The following PRAG1 variants were observed in gnomAD, a reference collection of about 807,000 sequenced individuals.
The protein encoded by PRAG1 is PEAK1 related, kinase-activating pseudokinase 1.
A neutral mutation model predicts 95.6 loss-of-function variants in PRAG1; 110 were observed. The ratio of observed to expected loss-of-function variants is 1.15; its 90% CI spans 0.99 to 1.35. PRAG1 has a LOEUF of 1.35. PRAG1 is among the 40% of genes most tolerant of loss of function. The pLI is 0.00. For synonymous variants in PRAG1, 1,052 were observed against 819.4 expected, an observed-to-expected ratio of 1.28 and a Z score of -4.85; for missense variants, 2,554 against 1,864.7, an observed-to-expected ratio of 1.37 and a Z score of -6.81.
chr8:8,318,326 G>A lies in PRAG1; in HGVS notation c.4049C>T (p.Thr1350Met). The change falls in exon 6 of 6, where the codon ACG (threonine) becomes ATG (methionine). Residue 1350 changes from threonine to methionine, a missense_variant. Physicochemically the swap from Thr to Met is moderately conservative, Grantham distance 81 (BLOSUM62 -1). Transcript: ENST00000615670. The surrounding 1 kb of genome is among the most constrained non-coding windows in gnomAD (Gnocchi z 4.2). ...CTTCATGTCGATCCAGTTGTGCAGC[G>A]TGCCGCACAGCGCCTCCTCCGAGGT... ...PGTSEEALCG[T>M]LHNWIDMKRA... 1.9e-6 allele frequency: 3 copies of A among 1,614,132 alleles called. No individual in the cohort carries two copies. The highest frequency in any genetic ancestry group is 1.7e-6 in the Non-Finnish European group (2 of 1,179,982).
chr8:8,319,788 A>G (rs2117094782), intron 5 of PRAG1, among the ~76,000 whole-genome samples: 1 of 152,376 alleles, frequency 6.6e-6, no homozygotes, highest in East Asian at 1.9e-4. Flanking sequence ...GGCAAGAGAT[A>G]TGAATAGGTA....
chr8:8,385,915 G>C (rs1800831925), intron 1 of PRAG1, among the ~76,000 whole-genome samples: 1 of 151,976 alleles, frequency 6.6e-6, no homozygotes, highest in South Asian at 2.1e-4. Context: ...CAGCAGCCAG[G>C]CGGCCTTCCG....
rs766322082 is a variant in PRAG1, at chr8:8,327,876, T to C, written c.2906A>G (p.Lys969Arg). 1 of 1,614,206 alleles carries C rather than the reference T, an allele frequency of 6.2e-7. No individual in the cohort carries two copies. Among genetic ancestry groups the C allele is most frequent in the Admixed American group, 1.7e-5 (1 of 60,028 alleles). The change falls in exon 5 of 6, where the codon AAA (lysine) becomes AGA (arginine). Residue 969 changes from lysine to arginine, a missense_variant. By Grantham distance (26) the Lys-to-Arg change is conservative (BLOSUM62 2). Transcript: ENST00000615670. ...GCCGCCCATGAAGAGGTCCTCACAT[T>C]TGGCTACAAGGCGGGCCAGGGACTG... ...YTQSLARLVA[K>R]CEDLFMGGQK...
intron 5 of PRAG1, among the ~76,000 whole-genome samples, chr8:8,321,151 C>T (rs755791785): frequency 2.0e-5 from 3 of 152,240 alleles, no homozygotes; most frequent in Non-Finnish European, 4.4e-5. Context: ...GTGGTGCAAT[C>T]ACAGCTCACT....
rs1474480193 is a variant in PRAG1, at chr8:8,331,983, C to G, written c.2321-3522G>C. ...TGAGTTTGGGGCACCAAACTCAGTA[C>G]TCGCCGCATTATACACACACTCATT... On this transcript the variant is annotated intron_variant, in intron 4 of 5. Coordinates refer to ENST00000615670, the MANE Select transcript of PRAG1 (RefSeq NM_001080826.3). 2.0e-5 allele frequency among the ~76,000 whole-genome samples: 3 copies of G among 152,102 alleles called. No individual in the cohort carries two copies. In the East Asian group the frequency reaches 5.8e-4, roughly 29 times the overall value.
At chr8:8,365,934 C>G (rs973599937) in intron 3 of PRAG1, among the ~76,000 whole-genome samples, 1 of 151,980 alleles carries the variant, frequency 6.6e-6, no homozygotes, top group African/African-American at 2.4e-5. Context: ...GAGCTGAGAT[C>G]GTGCTTGCAC....
intron 3 of PRAG1, among the ~76,000 whole-genome samples, chr8:8,375,949 G>A (rs1004948536): frequency 6.6e-6 from 1 of 152,166 alleles, no homozygotes; most frequent in South Asian, 2.1e-4. Context: ...GGAATAAAAA[G>A]AGGACCAGAT....
At chr8:8,357,839 T>C (rs1016172413) in intron 3 of PRAG1, among the ~76,000 whole-genome samples, 2 of 152,216 alleles carry the variant, frequency 1.3e-5, no homozygotes, top group Non-Finnish European at 2.9e-5. Flanking sequence ...TCTGTGAATG[T>C]ATGGGAAAAA....
In PRAG1 at chr8:8,327,999, T is replaced by C. The variant is rs759697890; in HGVS notation, c.2783A>G (p.Gln928Arg). ...ASSSQLSVSS[Q>R]ASTGSTQLQL... is the part of the protein sequence containing the mutation. ...AAGCTGGGTGCTCCCGGTGGAGGCT[T>C]GACTGGACACGCTCAGCTGGGAGGA... Residue 928 changes from glutamine to arginine, a missense_variant, in exon 5 of 6, where the codon CAA becomes CGA. Physicochemically the swap from Gln to Arg is conservative, Grantham distance 43 (BLOSUM62 1). Transcript: ENST00000615670. The C allele has an allele frequency of 1.1e-5, 17 of 1,592,080 alleles. No individual in the cohort carries two copies. Among genetic ancestry groups the C allele is most frequent in the Non-Finnish European group, 1.5e-5 (17 of 1,168,070 alleles).
chr8:8,380,767 C>A lies in PRAG1; in HGVS notation c.330+651G>T, dbSNP rs1176753885. On this transcript the variant is annotated intron_variant, in intron 2 of 5. Coordinates refer to ENST00000615670, the MANE Select transcript of PRAG1 (RefSeq NM_001080826.3). ...ACTCAGGAGGCTGAGGCAGGAGAAT[C>A]GCTTGAACCAGGGAGTCAGAGATTG... Among the ~76,000 whole-genome samples, 11 of 147,670 alleles carry A rather than the reference C, an allele frequency of 7.4e-5. No homozygotes were observed. The South Asian group carries it at 2.1e-3, about 29-fold the overall frequency.
At chr8:8,331,016 A>G (rs1563230295) in intron 4 of PRAG1, among the ~76,000 whole-genome samples, 1 of 152,148 alleles carries the variant, frequency 6.6e-6, no homozygotes. Flanking sequence ...GGCAGCAGAA[A>G]CCGTCACCAG....
rs192554546 is a variant in PRAG1 at position 8,341,459 on chromosome 8, G to A, written c.2163-1824C>T. ...TACAAGGGATCCTTCAATACTAAGC[G>A]TATATTTACTACAGATTTCAGTAGA... On this transcript the variant is annotated intron_variant, in intron 3 of 5. Coordinates refer to ENST00000615670, the MANE Select transcript of PRAG1 (RefSeq NM_001080826.3). Among the ~76,000 whole-genome samples the A allele has an allele frequency of 1.8e-3, 281 of 152,250 alleles. 2 individuals are homozygous for A. The highest frequency in any genetic ancestry group is 5.5e-3 in the African/African-American group (229 of 41,544).
At chr8:8,335,222 T>A (rs1798949546) in intron 4 of PRAG1, among the ~76,000 whole-genome samples, 1 of 152,248 alleles carries the variant, frequency 6.6e-6, no homozygotes, top group Non-Finnish European at 1.5e-5. Context: ...CACCAAATCA[T>A]GCCAATGTAT....
intron 4 of PRAG1, among the ~76,000 whole-genome samples, chr8:8,331,714 T>C (rs1157039228): frequency 6.6e-6 from 1 of 152,154 alleles, no homozygotes; most frequent in Non-Finnish European, 1.5e-5. Context: ...TGCTTTAGAC[T>C]GTATGGTAGG....
At chr8:8,327,289 G>A (rs1487619371) in intron 5 of PRAG1, among the ~76,000 whole-genome samples, 3 of 152,196 alleles carry the variant, frequency 2.0e-5, no homozygotes, top group Non-Finnish European at 4.4e-5. Flanking sequence ...ATGCTTAGGG[G>A]TCAGGGGTGG....
At chr8:8,364,895 G>C (rs1026435730) in intron 3 of PRAG1, among the ~76,000 whole-genome samples, 7 of 151,950 alleles carry the variant, frequency 4.6e-5, no homozygotes, top group African/African-American at 1.7e-4. Flanking sequence ...GCTTTTTGTA[G>C]GAAACACAGA....
intron 2 of PRAG1, among the ~76,000 whole-genome samples, chr8:8,379,151 T>G (rs1398956126): frequency 6.6e-6 from 1 of 151,656 alleles, no homozygotes; most frequent in Non-Finnish European, 1.5e-5. Flanking sequence ...GGGTGAGGGG[T>G]GGCTTCTGAA....
chr8:8,363,033 TA>T (rs1211541573), intron 3 of PRAG1, among the ~76,000 whole-genome samples: 1 of 150,410 alleles, frequency 6.6e-6, no homozygotes, highest in Non-Finnish European at 1.5e-5. Context: ...ATATTGTAGT[TA>T]AAGTATAAAG....
chr8:8,324,028 C>T (rs1262956232), intron 5 of PRAG1, among the ~76,000 whole-genome samples: 1 of 152,182 alleles, frequency 6.6e-6, no homozygotes, highest in Admixed American at 6.5e-5. Context: ...CCTCGTAGGG[C>T]CATTGTGAGG....
Sources: allele counts gnomAD v4.1 joint callset (sites outside exome capture counted in the v4.1 genomes callset), GRCh38; gene constraint gnomAD v4.1.1; non-coding constraint Gnocchi (gnomAD v3.1); transcripts MANE v1.5; gene names NCBI Gene and HGNC (gene_info 2026-07-23, HGNC 2026-07-21).